Variants in ADAMTS14 observed in about 807,000 individuals in gnomAD.
The protein encoded by ADAMTS14 is ADAM metallopeptidase with thrombospondin type 1 motif 14, also known as A disintegrin and metalloproteinase with thrombospondin motifs 14.
A neutral mutation model predicts 128.6 loss-of-function variants in ADAMTS14; 100 were observed. The observed-to-expected ratio is 0.78, with a 90% confidence interval of 0.66 to 0.92. The LOEUF is 0.92. Among genes scored for constraint, ADAMTS14 ranks in the 40% least tolerant of loss-of-function variants. The pLI, the probability that ADAMTS14 is intolerant of heterozygous loss-of-function variation, is 0.00. For synonymous variants in ADAMTS14, 665 were observed against 653.8 expected (o/e 1.02, Z -0.26); for missense variants, 1,562 against 1,658.6 (o/e 0.94, Z 1.01).
chr10:70,744,208 G>T lies in ADAMTS14; in HGVS notation c.2182+19G>T, dbSNP rs937017425. 6.6e-7 allele frequency: 1 copy of T among 1,504,542 alleles called. No homozygotes were observed. Among genetic ancestry groups the T allele is most frequent in the East Asian group, 2.5e-5 (1 of 39,818 alleles). The allele number at this position is 1,504,542 out of a possible 1,614,324, so 93.2% of individuals were successfully genotyped here. A position where few individuals can be genotyped will look rare whatever the true frequency, so the allele number is the denominator to read the frequency against. ...CAGGCAGGTGAGCCGGGCTGGGGCT[G>T]GGGGGATGACGAGGGCTGACTGGAG... On this transcript the variant is annotated intron_variant, in intron 14 of 21. Coordinates refer to ENST00000373207, the MANE Select transcript of ADAMTS14 (RefSeq NM_080722.4).
chr10:70,706,455 C>T (rs779280703), intron 3 of ADAMTS14, among the ~76,000 whole-genome samples: 2 of 152,198 alleles, frequency 1.3e-5, no homozygotes, highest in African/African-American at 2.4e-5. Context: ...TTATTTTTCT[C>T]CCTGCTCCAT....
At chr10:70,679,032 A>G (rs1839726287) in intron 2 of ADAMTS14, among the ~76,000 whole-genome samples, 2 of 152,204 alleles carry the variant, frequency 1.3e-5, no homozygotes, top group African/African-American at 4.8e-5. Context: ...ATGAAAAAGC[A>G]GGGCCCTTGC....
At position 70,745,231 on chromosome 10, in the gene ADAMTS14, C is replaced by A; in HGVS notation, c.2188C>A (p.Leu730Ile). 1 of 1,611,718 alleles carries A rather than the reference C, an allele frequency of 6.2e-7. No individual in the cohort carries two copies. Among genetic ancestry groups the A allele is most frequent in the Non-Finnish European group, 8.5e-7 (1 of 1,179,646 alleles). ...TGGATCCCTGTGTGTGGCAGGAGCT[C>A]TCAAGCTGGTGCAGATCCCAGCAGG... Reference protein sequence around the residue: ...LGKASKQAGALKLVQIPAGAR... With the variant: ...LGKASKQAGAIKLVQIPAGAR... Residue 730 changes from leucine (L) to isoleucine (I), a missense_variant, in exon 15 of 22, where the codon CTC becomes ATC. Leu to Ile is a conservative substitution (Grantham distance 5). Transcript: ENST00000373207.
intron 14 of ADAMTS14, among the ~76,000 whole-genome samples, chr10:70,745,005 A>T (rs971578114): frequency 6.6e-6 from 1 of 152,208 alleles, no homozygotes; most frequent in South Asian, 2.1e-4. Context: ...TCTCACACAC[A>T]CGGAGGCCCT....
At chr10:70,701,496 T>C (rs1260135874) in intron 2 of ADAMTS14, among the ~76,000 whole-genome samples, 1 of 152,224 alleles carries the variant, frequency 6.6e-6, no homozygotes, top group Non-Finnish European at 1.5e-5. Flanking sequence ...TGTGTGTGCG[T>C]GTGTGTGTAT....
Position 70,751,725 on chromosome 10 carries a change from TG to T in ADAMTS14, c.2596+80del, listed in dbSNP as rs1842357674. On this transcript the variant is annotated intron_variant, in intron 17 of 21. Transcript: ENST00000373207. ...AGAGGCAGGGGTGGGGGACTGATGT[TG>T]TCTCCATTTGATGTGTCCTTGCTTA... The T allele has an allele frequency of 2.0e-6, 3 of 1,518,564 alleles. No homozygotes were observed. The African/African-American group carries it at 4.1e-5, about 21-fold the overall frequency. The allele number at this position is 1,518,564 out of a possible 1,614,324, so 94.1% of individuals were successfully genotyped here. A position where few individuals can be genotyped will look rare whatever the true frequency, so the allele number is the denominator to read the frequency against.
Position 70,749,936 on chromosome 10 carries a change from A to G in ADAMTS14, c.2378A>G (p.Lys793Arg). ...LEWEDAVEDA[K>R]ESLKTSGPLP... ...TGGGAGGATGCGGTGGAGGATGCCA[A>G]GGAAAGCCTCAAGACCAGCGGGCCC... Residue 793 changes from lysine (K) to arginine (R), a missense_variant, in exon 16 of 22, where the codon AAG becomes AGG. Coordinates refer to ENST00000373207, the MANE Select transcript of ADAMTS14 (RefSeq NM_080722.4). 5 of 1,614,104 alleles carry G rather than the reference A, an allele frequency of 3.1e-6. No individual in the cohort carries two copies. Among genetic ancestry groups the G allele is most frequent in the Non-Finnish European group, 4.2e-6 (5 of 1,180,002 alleles).
intron 2 of ADAMTS14, among the ~76,000 whole-genome samples, chr10:70,680,944 C>A (rs932310713): frequency 3.9e-5 from 6 of 152,276 alleles, no homozygotes; most frequent in Middle Eastern, 3.4e-3. Context: ...CCCAGCCAAT[C>A]GTGATTACTT....
intron 4 of ADAMTS14, among the ~76,000 whole-genome samples, chr10:70,710,965 C>T (rs959648110): frequency 2.0e-5 from 3 of 152,298 alleles, no homozygotes; most frequent in South Asian, 2.1e-4. Flanking sequence ...GCACCTTTGA[C>T]GAGGTGGTCA....
chr10:70,701,332 C>T (rs977681137), intron 2 of ADAMTS14, among the ~76,000 whole-genome samples: 2 of 152,230 alleles, frequency 1.3e-5, no homozygotes, highest in African/African-American at 2.4e-5. Context: ...TTCACAGCTG[C>T]GCTCCCAGTC....
intron 15 of ADAMTS14, among the ~76,000 whole-genome samples, chr10:70,749,161 G>A (rs914107119): frequency 3.9e-5 from 6 of 152,214 alleles, no homozygotes; most frequent in African/African-American, 1.2e-4. Context: ...CAAAAGTCCA[G>A]TACTTTTCTG....
At position 70,738,824 on chromosome 10, in the gene ADAMTS14, C is replaced by T; in HGVS notation, c.1600-18C>T. 1 of 1,613,676 alleles carries T rather than the reference C, an allele frequency of 6.2e-7. No individual in the cohort carries two copies. Among genetic ancestry groups the T allele is most frequent in the Non-Finnish European group, 8.5e-7 (1 of 1,180,000 alleles). ...AGCAGCAGCCCAGGGTGACCTCATG[C>T]CCTCTGCTCTGCCCCAGTGGTGCTT... On this transcript the variant is annotated intron_variant, in intron 10 of 21. Transcript: ENST00000373207.
rs766124715 is a variant in ADAMTS14 at position 70,735,195 on chromosome 10, C to T, written c.1379C>T (p.Pro460Leu). The T allele has an allele frequency of 4.3e-6, 7 of 1,613,398 alleles. No individual in the cohort carries two copies. The highest frequency in any genetic ancestry group is 1.7e-4 in the Middle Eastern group (1 of 6,058). ...TCCTACGACTGCCTCCTCGATGACCCCTTTGATCCTGCCTGGCCCCAGCCC... is the reference window on the plus strand; with the variant it reads ...TCCTACGACTGCCTCCTCGATGACCTCTTTGATCCTGCCTGGCCCCAGCCC... ...LPSYDCLLDD[P>L]FDPAWPQPPE... Residue 460 changes from proline to leucine, a missense_variant, in exon 9 of 22, where the codon CCC becomes CTC. By Grantham distance (98) the Pro-to-Leu change is moderately conservative (BLOSUM62 -3). Transcript: ENST00000373207.
At chr10:70,738,524 A>C (rs1025455834) in intron 10 of ADAMTS14, among the ~76,000 whole-genome samples, 1 of 152,166 alleles carries the variant, frequency 6.6e-6, no homozygotes, top group African/African-American at 2.4e-5. Flanking sequence ...CTCCCCTATC[A>C]GCCTTTTATT....
rs551105674 is a variant in ADAMTS14, at chr10:70,738,473, C to T, written c.1600-369C>T. 4.0e-4 allele frequency among the ~76,000 whole-genome samples: 61 copies of T among 152,304 alleles called. No individual in the cohort carries two copies. The South Asian group carries it at 7.9e-3, about 20-fold the overall frequency. ...TGGAAGGTGATTTTGAGATACAGAGCCAAGATCAACTCTAGCTAGTGTGGG... is the reference window on the plus strand; with the variant it reads ...TGGAAGGTGATTTTGAGATACAGAGTCAAGATCAACTCTAGCTAGTGTGGG... On this transcript the variant is annotated intron_variant, in intron 10 of 21. Coordinates refer to ENST00000373207, the MANE Select transcript of ADAMTS14 (RefSeq NM_080722.4).
intron 4 of ADAMTS14, among the ~76,000 whole-genome samples, chr10:70,709,328 G>A (rs1840764737): frequency 6.6e-6 from 1 of 152,176 alleles, no homozygotes; most frequent in African/African-American, 2.4e-5. Context: ...TTGAAGCAGA[G>A]AGCCCGTGCC....
chr10:70,708,694 G>A lies in ADAMTS14; in HGVS notation c.786G>A (p.Glu262=), dbSNP rs1840742192. 3 of 1,613,876 alleles carry A rather than the reference G, an allele frequency of 1.9e-6. No individual in the cohort carries two copies. The East Asian group carries it at 6.7e-5, about 36-fold the overall frequency. The change falls in exon 4 of 22, where the codon GAG becomes GAA. Residue 262 remains glutamate, a synonymous_variant. Coordinates refer to ENST00000373207, the MANE Select transcript of ADAMTS14 (RefSeq NM_080722.4). ...RHAKPGSYSI[E]VLLVVDDSVV... ...CCAAGCCAGGCAGCTACAGCATCGAGGTGCTGCTGGTGGTGGACGACTCGG... is the reference window on the plus strand; with the variant it reads ...CCAAGCCAGGCAGCTACAGCATCGAAGTGCTGCTGGTGGTGGACGACTCGG...
intron 3 of ADAMTS14, among the ~76,000 whole-genome samples, chr10:70,707,280 A>G (rs1038401440): frequency 3.3e-5 from 5 of 152,126 alleles, no homozygotes; most frequent in African/African-American, 1.2e-4. Flanking sequence ...CCACACCCCT[A>G]ATACATGCTG....
At chr10:70,684,458 A>G (rs1379268837) in intron 2 of ADAMTS14, among the ~76,000 whole-genome samples, 1 of 152,250 alleles carries the variant, frequency 6.6e-6, no homozygotes, top group Non-Finnish European at 1.5e-5. Flanking sequence ...AAGGAGTGGT[A>G]AAGTCTCATT....
Sources: allele counts gnomAD v4.1 joint callset (sites outside exome capture counted in the v4.1 genomes callset), GRCh38; gene constraint gnomAD v4.1.1; transcripts MANE v1.5; gene names NCBI Gene and HGNC (gene_info 2026-07-23, HGNC 2026-07-21).